LARGE1: variants seen among roughly 807,000 people sequenced by gnomAD.
LARGE1 encodes the protein xylosyl- and glucuronyltransferase LARGE1.
LARGE1 carries 43 observed loss-of-function variants against 87.6 expected under a neutral mutation model. The observed-to-expected ratio is 0.49, with a 90% CI of 0.38 to 0.63. The LOEUF (loss-of-function observed/expected upper bound fraction) is 0.63, where lower values mean the gene tolerates loss of function less well. LARGE1 is among the 30% of genes least tolerant of loss of function. The pLI, the probability that LARGE1 is intolerant of heterozygous loss-of-function variation, is 0.00. For synonymous variants in LARGE1, 434 were observed against 394.6 expected (o/e 1.10, Z -1.18); for missense variants, 802 against 1,000.2 (o/e 0.80, Z 2.67).
chr22:33,596,775 G>A (rs1337487282), intron 5 of LARGE1, among the ~76,000 whole-genome samples: 2 of 152,182 alleles, frequency 1.3e-5, no homozygotes, highest in Non-Finnish European at 2.9e-5. Context: ...ACAAAAAGAA[G>A]AAAGCAAGAT....
At chr22:33,801,052 AT>A (rs1311923089) in intron 1 of LARGE1, among the ~76,000 whole-genome samples, 2 of 152,062 alleles carry the variant, frequency 1.3e-5, no homozygotes, top group Non-Finnish European at 2.9e-5. Flanking sequence ...TGCTATTCTC[AT>A]GATAGTGAGT....
At chr22:33,708,235 G>C (rs1017543019) in intron 2 of LARGE1, among the ~76,000 whole-genome samples, 4 of 151,470 alleles carry the variant, frequency 2.6e-5, no homozygotes, top group Non-Finnish European at 5.9e-5. Flanking sequence ...TGCTGATATG[G>C]AGCTGCTATT....
chr22:33,751,756 T>C (rs2084324159), intron 2 of LARGE1, among the ~76,000 whole-genome samples: 1 of 152,012 alleles, frequency 6.6e-6, no homozygotes, highest in Non-Finnish European at 1.5e-5. Flanking sequence ...CTTCACTATA[T>C]AAACGTGCCA....
chr22:33,084,622 T>G, the LARGE1 span, among the ~76,000 whole-genome samples: 1 of 152,048 alleles, frequency 6.6e-6, no homozygotes, highest in Non-Finnish European at 1.5e-5. Context: ...AACACTGCAC[T>G]TCAGTCTGGG....
intron 9 of LARGE1, among the ~76,000 whole-genome samples, chr22:33,343,599 T>C (rs985821883): frequency 6.6e-6 from 1 of 152,132 alleles, no homozygotes; most frequent in Non-Finnish European, 1.5e-5. Context: ...AGGGGTTGAA[T>C]AGCTTAGTAG....
chr22:33,891,024 ATATGGGAAGCTGCATACGGTTCTGTG>A, intron 1 of LARGE1, among the ~76,000 whole-genome samples: 1 of 8,614 alleles, frequency 1.2e-4, no homozygotes, highest in Non-Finnish European at 1.8e-4. Flanking sequence ...GGTTCTGTGC[ATATGGGAAGCTGCATACGGTTCTGTG>A]CATATGGGAA....
chr22:33,427,410 ATCT>A (rs1302211263), intron 7 of LARGE1, among the ~76,000 whole-genome samples: 2 of 152,216 alleles, frequency 1.3e-5, no homozygotes, highest in East Asian at 3.9e-4. Flanking sequence ...TGGTGGAAAG[ATCT>A]TCTCTAATGT....
the LARGE1 span, among the ~76,000 whole-genome samples, chr22:33,067,261 A>G: frequency 3.3e-5 from 5 of 152,214 alleles, no homozygotes; most frequent in South Asian, 8.3e-4. Context: ...AAAATGCTAT[A>G]TCACATAGTG....
At chr22:33,699,541 G>A (rs1391145882) in intron 2 of LARGE1, among the ~76,000 whole-genome samples, 2 of 152,180 alleles carry the variant, frequency 1.3e-5, no homozygotes, top group South Asian at 2.1e-4. Flanking sequence ...TGCAGAGGAC[G>A]GCACGATGTA....
intron 3 of LARGE1, among the ~76,000 whole-genome samples, chr22:33,643,088 A>T (rs1428366065): frequency 6.6e-6 from 1 of 152,222 alleles, no homozygotes; most frequent in East Asian, 1.9e-4. Flanking sequence ...AATCAACAGA[A>T]TATACATTCT....
chr22:33,255,155 C>T (rs1163280979), intron 11 of LARGE1, among the ~76,000 whole-genome samples: 3 of 152,166 alleles, frequency 2.0e-5, no homozygotes, highest in Non-Finnish European at 4.4e-5. Flanking sequence ...TCAGGCTGGT[C>T]TTGAGCTCCT....
chr22:33,217,423 T>C (rs1294243872), intron 11 of LARGE1, among the ~76,000 whole-genome samples: 1 of 152,176 alleles, frequency 6.6e-6, no homozygotes, highest in Non-Finnish European at 1.5e-5. Context: ...ACACTAAAGT[T>C]TGAGAACCAC....
At chr22:33,718,206 G>A (rs1263639969) in intron 2 of LARGE1, among the ~76,000 whole-genome samples, 1 of 152,150 alleles carries the variant, frequency 6.6e-6, no homozygotes, top group Non-Finnish European at 1.5e-5. Context: ...AACACCTGGG[G>A]ATCAATACCA....
chr22:33,840,168 T>C (rs2063235250), intron 1 of LARGE1, among the ~76,000 whole-genome samples: 1 of 152,210 alleles, frequency 6.6e-6, no homozygotes, highest in Non-Finnish European at 1.5e-5. Context: ...TATTCAATTA[T>C]AAAACTATTT....
At chr22:33,337,548 C>T in intron 10 of LARGE1, 98 bp downstream of exon 10, 1 of 1,445,586 alleles carries the variant, frequency 6.9e-7, no homozygotes, top group Non-Finnish European at 9.6e-7. Flanking sequence ...TCACCTAGGT[C>T]CTGCCATGAG....
intron 5 of LARGE1, among the ~76,000 whole-genome samples, chr22:33,575,376 T>C (rs951437169): frequency 6.6e-5 from 10 of 152,198 alleles, no homozygotes; most frequent in African/African-American, 2.2e-4. Flanking sequence ...AGGAGTTCTT[T>C]AGCTATCTCT....
At chr22:33,674,920 T>A (rs564259241) in intron 2 of LARGE1, among the ~76,000 whole-genome samples, 1 of 152,018 alleles carries the variant, frequency 6.6e-6, no homozygotes, top group South Asian at 2.1e-4. Context: ...AGGGAGTGTA[T>A]GTTTTAAATT....
intron 1 of LARGE1, among the ~76,000 whole-genome samples, chr22:33,882,032 T>TGG (rs201650231): frequency 1.5e-5 from 2 of 137,680 alleles, no homozygotes; most frequent in Non-Finnish European, 1.5e-5. Flanking sequence ...TTTTTTTGTT[T>TGG]TTGTTTTTTT....
chr22:33,578,462 G>GTTTCA (rs1335741103), intron 5 of LARGE1, among the ~76,000 whole-genome samples: 3 of 152,082 alleles, frequency 2.0e-5, no homozygotes. Flanking sequence ...AATGAAAAAT[G>GTTTCA]TTCCTCTTTC....
Sources: allele counts gnomAD v4.1 joint callset (sites outside exome capture counted in the v4.1 genomes callset), GRCh38; gene constraint gnomAD v4.1.1; transcripts MANE v1.5; gene names NCBI Gene and HGNC (gene_info 2026-07-23, HGNC 2026-07-21).